The following CLEC16A variants were observed in gnomAD, a reference collection of about 807,000 sequenced individuals.
CLEC16A encodes the protein C-type lectin domain containing 16A.
In CLEC16A, 51 loss-of-function variants were observed where a neutral mutation model predicts 109.5. The ratio of observed to expected loss-of-function variants is 0.47; its 90% CI spans 0.37 to 0.59. CLEC16A has a LOEUF of 0.59. CLEC16A is among the 20% of genes least tolerant of loss of function. The pLI is 0.00. For missense variants in CLEC16A, 1,339 were observed against 1,394.0 expected, an observed-to-expected ratio of 0.96 and a Z score of 0.63; for synonymous variants, 673 against 564.2, an observed-to-expected ratio of 1.19 and a Z score of -2.73.
intron 11 of CLEC16A, among the ~76,000 whole-genome samples, chr16:11,010,440 A>ATT (rs1310417401): frequency 6.6e-6 from 1 of 152,190 alleles, no homozygotes; most frequent in Non-Finnish European, 1.5e-5. Context: ...ATAATTTCAA[A>ATT]TTTACAAAAG....
At chr16:11,125,789 G>T (rs989899453) in intron 21 of CLEC16A, among the ~76,000 whole-genome samples, 190 bp from the exon 22 acceptor site, 1 of 152,126 alleles carries the variant, frequency 6.6e-6, no homozygotes, top group Non-Finnish European at 1.5e-5. Flanking sequence ...CCGCTTGTGC[G>T]TTGAGCCTCA....
At chr16:11,134,071 T>G (rs765744028) in intron 22 of CLEC16A, among the ~76,000 whole-genome samples, 9 of 152,098 alleles carry the variant, frequency 5.9e-5, no homozygotes, top group Non-Finnish European at 1.3e-4. Flanking sequence ...GGTCAGAAAG[T>G]GGCCTACCCA....
chr16:11,011,051 T>G (rs2045380684), intron 11 of CLEC16A, among the ~76,000 whole-genome samples: 1 of 152,232 alleles, frequency 6.6e-6, no homozygotes, highest in Non-Finnish European at 1.5e-5. Context: ...GATGTTCGTT[T>G]TGGTCACATG....
At chr16:11,083,520 A>AG (rs1421782165) in intron 19 of CLEC16A, among the ~76,000 whole-genome samples, 3 of 152,186 alleles carry the variant, frequency 2.0e-5, no homozygotes, top group Non-Finnish European at 2.9e-5. Flanking sequence ...CCCATGTGGG[A>AG]GGGGCCCAGG....
chr16:11,037,710 C>T (rs940071600), intron 13 of CLEC16A, among the ~76,000 whole-genome samples: 12 of 152,066 alleles, frequency 7.9e-5, no homozygotes, highest in African/African-American at 2.2e-4. Flanking sequence ...CTCTCTGAAG[C>T]GGAGTGACTG....
At chr16:10,997,248 C>T (rs1206206995) in intron 10 of CLEC16A, among the ~76,000 whole-genome samples, 1 of 152,226 alleles carries the variant, frequency 6.6e-6, no homozygotes, top group Non-Finnish European at 1.5e-5. Flanking sequence ...AGGCATGAGC[C>T]ACTGCGCCCA....
At chr16:10,971,765 C>G (rs2042800727) in intron 5 of CLEC16A, among the ~76,000 whole-genome samples, 1 of 152,216 alleles carries the variant, frequency 6.6e-6, no homozygotes, top group Non-Finnish European at 1.5e-5. Context: ...CATTCCCCCA[C>G]TCTCCGCTGC....
chr16:10,987,782 G>A (rs2043764010), intron 10 of CLEC16A, among the ~76,000 whole-genome samples: 1 of 152,186 alleles, frequency 6.6e-6, no homozygotes, highest in African/African-American at 2.4e-5. Context: ...CAACTCGGAT[G>A]TGGTTTGATT....
In CLEC16A at chr16:11,178,415, A is replaced by C; in HGVS notation, c.2887A>C (p.Lys963Gln). The C allele has an allele frequency of 3.1e-6, 5 of 1,613,746 alleles. No individual in the cohort carries two copies. The highest frequency in any genetic ancestry group is 4.2e-6 in the Non-Finnish European group (5 of 1,179,854). ...VIVNETEADSKPSKNVARSAA... is the reference protein window; with the variant it reads ...VIVNETEADSQPSKNVARSAA... ...CGTCAACGAAACGGAAGCAGACTCT[A>C]AGCCCAGCAAGAACGTGGCCAGGAG... The change falls in exon 24 of 24, where the codon AAG becomes CAG. Residue 963 changes from lysine (K) to glutamine (Q), a missense_variant. By Grantham distance (53) the Lys-to-Gln change is moderately conservative. Transcript: ENST00000409790. The surrounding 1 kb of genome is among the most constrained non-coding windows in gnomAD (Gnocchi z 6.5).
chr16:11,141,759 G>A (rs2053841103), intron 22 of CLEC16A, among the ~76,000 whole-genome samples: 1 of 152,230 alleles, frequency 6.6e-6, no homozygotes, highest in African/African-American at 2.4e-5. Flanking sequence ...AGTGATGGCG[G>A]TGGGGACAGC....
chr16:10,958,536 C>T (rs1283100591), intron 2 of CLEC16A, among the ~76,000 whole-genome samples: 3 of 152,190 alleles, frequency 2.0e-5, no homozygotes, highest in African/African-American at 7.2e-5. Context: ...AGAAAAAGTT[C>T]TCTTTGTCTA....
chr16:11,088,744 T>C (rs142831936), intron 19 of CLEC16A, among the ~76,000 whole-genome samples: 1,583 of 152,300 alleles, frequency 0.01, 26 homozygotes, highest in African/African-American at 0.036. Flanking sequence ...GGCTGGAAAA[T>C]TGGCTTACTT....
At chr16:10,993,162 TG>T (rs1428663209) in intron 10 of CLEC16A, among the ~76,000 whole-genome samples, 1 of 152,168 alleles carries the variant, frequency 6.6e-6, no homozygotes, top group East Asian at 1.9e-4. Flanking sequence ...GAGGCCGGTG[TG>T]GGCAGATCAC....
rs572936336 is a variant in CLEC16A, at chr16:10,978,094, T to C, written c.903+695T>C. ...AGACAGCGACAGAACTTGCGCAGCA[T>C]GGAGGGAAGGGATGGAGCACACTCA... On this transcript the variant is annotated intron_variant, in intron 8 of 23. Coordinates refer to ENST00000409790, the MANE Select transcript of CLEC16A (RefSeq NM_015226.3). 2.3e-4 allele frequency among the ~76,000 whole-genome samples: 35 copies of C among 152,248 alleles called. 1 individual carries two copies. The highest frequency in any genetic ancestry group is 1.5e-3 in the South Asian group (7 of 4,824).
chr16:11,108,582 A>G (rs911707164), intron 19 of CLEC16A, among the ~76,000 whole-genome samples: 2 of 152,216 alleles, frequency 1.3e-5, no homozygotes, highest in South Asian at 4.1e-4. Flanking sequence ...AGGGGACTGG[A>G]ATGCCAGGTT....
chr16:10,959,858 C>T (rs966377855), intron 2 of CLEC16A, among the ~76,000 whole-genome samples: 4 of 151,902 alleles, frequency 2.6e-5, no homozygotes, highest in Admixed American at 2.0e-4. Flanking sequence ...AACGATTCTT[C>T]CTCCTCAGCC....
At chr16:11,092,761 G>A (rs772588605) in intron 19 of CLEC16A, among the ~76,000 whole-genome samples, 3 of 152,312 alleles carry the variant, frequency 2.0e-5, no homozygotes, top group South Asian at 2.1e-4. Context: ...TGGGTCTGTC[G>A]TCTATGAGCT....
intron 19 of CLEC16A, among the ~76,000 whole-genome samples, chr16:11,100,608 G>A (rs764320172): frequency 2.6e-5 from 4 of 152,096 alleles, no homozygotes; most frequent in South Asian, 2.1e-4. Flanking sequence ...TTGACCTCCC[G>A]GAAGATAACA....
At chr16:11,029,326 C>G (rs534532155) in intron 13 of CLEC16A, among the ~76,000 whole-genome samples, 2 of 152,296 alleles carry the variant, frequency 1.3e-5, no homozygotes, top group Admixed American at 6.5e-5. Flanking sequence ...CTTTCCCTTT[C>G]TTCATGTGCA....
Sources: allele counts gnomAD v4.1 joint callset (sites outside exome capture counted in the v4.1 genomes callset), GRCh38; gene constraint gnomAD v4.1.1; non-coding constraint Gnocchi (gnomAD v3.1); transcripts MANE v1.5; gene names NCBI Gene and HGNC (gene_info 2026-07-23, HGNC 2026-07-21).